Variants in AUTS2 observed in about 807,000 individuals in gnomAD.
The protein encoded by AUTS2 is activator of transcription and developmental regulator AUTS2.
Under a neutral mutation model 112.4 loss-of-function variants are expected in AUTS2, and 17 were observed. The observed-to-expected ratio is 0.15, with a 90% CI of 0.10 to 0.23. The LOEUF (loss-of-function observed/expected upper bound fraction) is 0.23, where lower values mean the gene tolerates loss of function less well. AUTS2 is among the 10% of genes least tolerant of loss of function. The probability of loss-of-function intolerance (pLI) is 1.00; values close to 1 mark genes in which losing one functional copy is unlikely to be tolerated. For synonymous variants in AUTS2, 751 were observed against 702.7 expected (o/e 1.07, Z -1.09); for missense variants, 1,510 against 1,701.6 (o/e 0.89, Z 1.98).
At chr7:70,263,030 G>A (rs1787244252) in intron 4 of AUTS2, among the ~76,000 whole-genome samples, 1 of 151,892 alleles carries the variant, frequency 6.6e-6, no homozygotes, top group South Asian at 2.1e-4. Context: ...TTTTTGCCCT[G>A]TGTATTTGCA....
chr7:69,661,836 CTT>C (rs1177967846), intron 1 of AUTS2, among the ~76,000 whole-genome samples: 1 of 152,176 alleles, frequency 6.6e-6, no homozygotes, highest in African/African-American at 2.4e-5. Flanking sequence ...CTGTGTCTGT[CTT>C]TGCTATTTAT....
intron 4 of AUTS2, among the ~76,000 whole-genome samples, chr7:70,244,032 G>C (rs1259408289): frequency 2.0e-5 from 3 of 151,776 alleles, no homozygotes; most frequent in African/African-American, 7.3e-5. Context: ...TTACTGTCAA[G>C]GTAAAAATGA....
chr7:70,246,221 A>G (rs1293551077), intron 4 of AUTS2, among the ~76,000 whole-genome samples: 1 of 152,080 alleles, frequency 6.6e-6, no homozygotes, highest in Non-Finnish European at 1.5e-5. Flanking sequence ...AGTTTATCAA[A>G]CTTTTCCTGT....
At chr7:69,765,002 G>A (rs1403158015) in intron 1 of AUTS2, among the ~76,000 whole-genome samples, 1 of 152,176 alleles carries the variant, frequency 6.6e-6, no homozygotes, top group African/African-American at 2.4e-5. Flanking sequence ...ATATTTCTGA[G>A]AGTTTTAAAG....
intron 4 of AUTS2, among the ~76,000 whole-genome samples, chr7:70,217,400 G>A (rs1325721600): frequency 6.6e-6 from 1 of 152,186 alleles, no homozygotes; most frequent in Non-Finnish European, 1.5e-5. Context: ...AGAAGCAGCT[G>A]AAGAGAGGAG....
At chr7:69,922,306 A>C (rs1481309751) in intron 2 of AUTS2, among the ~76,000 whole-genome samples, 3 of 152,174 alleles carry the variant, frequency 2.0e-5, no homozygotes, top group African/African-American at 7.2e-5. Flanking sequence ...TGGGGCAATA[A>C]ACTGTTGGCA....
chr7:70,447,494 A>G (rs1179443301), intron 5 of AUTS2, among the ~76,000 whole-genome samples: 1 of 152,236 alleles, frequency 6.6e-6, no homozygotes, highest in African/African-American at 2.4e-5. Context: ...CAATCCTAAT[A>G]GGTAGGTGCT....
intron 4 of AUTS2, among the ~76,000 whole-genome samples, chr7:70,174,001 T>C (rs1472275613): frequency 6.6e-6 from 1 of 152,212 alleles, no homozygotes; most frequent in Non-Finnish European, 1.5e-5. Flanking sequence ...CTCACTTGAA[T>C]AAATCAAACT....
intron 4 of AUTS2, among the ~76,000 whole-genome samples, chr7:70,389,727 G>A (rs1228107640): frequency 6.6e-6 from 1 of 151,764 alleles, no homozygotes; most frequent in African/African-American, 2.4e-5. Context: ...CTCAGATACT[G>A]TAAATACCCT....
chr7:70,001,862 C>T (rs1799213367), intron 2 of AUTS2, among the ~76,000 whole-genome samples: 1 of 151,980 alleles, frequency 6.6e-6, no homozygotes. Context: ...AAGCACGCAC[C>T]ACCACGCCTG....
At chr7:70,241,678 A>G (rs989797584) in intron 4 of AUTS2, among the ~76,000 whole-genome samples, 1 of 152,226 alleles carries the variant, frequency 6.6e-6, no homozygotes, top group Non-Finnish European at 1.5e-5. Context: ...GAAATGCAGT[A>G]TGAACAAACT....
intron 4 of AUTS2, among the ~76,000 whole-genome samples, chr7:70,301,510 A>C (rs1054330403): frequency 6.6e-6 from 1 of 152,146 alleles, no homozygotes; most frequent in African/African-American, 2.4e-5. Flanking sequence ...TCCTTTCTTG[A>C]ACCCATAAAG....
At chr7:70,740,944 A>C (rs914357766) in intron 6 of AUTS2, among the ~76,000 whole-genome samples, 1 of 151,862 alleles carries the variant, frequency 6.6e-6, no homozygotes, top group African/African-American at 2.4e-5. Flanking sequence ...AAATACAAAA[A>C]TTAGCCGGGC....
chr7:70,691,044 A>G (rs1405767471), intron 5 of AUTS2, among the ~76,000 whole-genome samples: 1 of 152,230 alleles, frequency 6.6e-6, no homozygotes, highest in Non-Finnish European at 1.5e-5. Flanking sequence ...CCTAGTTTAA[A>G]TCTTTAGATG....
At chr7:70,322,472 G>T (rs1483673297) in intron 4 of AUTS2, among the ~76,000 whole-genome samples, 1 of 152,102 alleles carries the variant, frequency 6.6e-6, no homozygotes, top group Non-Finnish European at 1.5e-5. Context: ...CTTTTTTTAT[G>T]TGGAGCCCCA....
chr7:70,176,522 G>T (rs933504839), intron 4 of AUTS2, among the ~76,000 whole-genome samples: 3 of 152,210 alleles, frequency 2.0e-5, no homozygotes, highest in Admixed American at 2.0e-4. Context: ...AGCAGTGCTA[G>T]TGTAAATGAA....
chr7:70,285,182 A>C (rs1194483640), intron 4 of AUTS2, among the ~76,000 whole-genome samples: 1 of 152,292 alleles, frequency 6.6e-6, no homozygotes, highest in South Asian at 2.1e-4. Context: ...TTGAGTCAAC[A>C]TGGGAATTAT....
rs1302614219 is a variant in AUTS2, at chr7:70,645,611, G to GTAGTTATTGAGTACC, written c.691-52958_691-52957insTAGTTATTGAGTACC. Among the ~76,000 whole-genome samples the GTAGTTATTGAGTACC allele has an allele frequency of 7.9e-5, 12 of 152,284 alleles. No individual in the cohort carries two copies. In the East Asian group the frequency reaches 2.3e-3, roughly 29 times the overall value. On this transcript the variant is annotated intron_variant, in intron 5 of 18. Transcript: ENST00000342771. ...CCATGGGGCCTGCTCACGAAGGCAA[G>GTAGTTATTGAGTACC]AGATGTATCTTGCCTTCCCTCCACC...
chr7:70,439,340 C>A (rs968583283), intron 5 of AUTS2, among the ~76,000 whole-genome samples: 1 of 152,030 alleles, frequency 6.6e-6, no homozygotes, highest in Non-Finnish European at 1.5e-5. Context: ...GAGTTGGAGA[C>A]CAGCCTGACC....
Sources: gnomAD v4.1 joint callset for allele counts (sites outside exome capture counted in the v4.1 genomes callset) on GRCh38, gnomAD v4.1.1 for gene constraint, MANE v1.5 for transcripts, NCBI Gene and HGNC (gene_info 2026-07-23, HGNC 2026-07-21) for gene names.